DPT: variants seen among roughly 807,000 people sequenced by gnomAD.
The protein encoded by DPT is dermatopontin, also known as tyrosine-rich acidic matrix protein.
Under a neutral mutation model 31.2 loss-of-function variants are expected in DPT, and 21 were observed. That is an observed-to-expected ratio of 0.67 (90% CI 0.48 to 0.97). The LOEUF (loss-of-function observed/expected upper bound fraction) is 0.97. Ranked by LOEUF, DPT falls within the 50% of genes least tolerant of loss-of-function variation. The pLI, the probability that DPT is intolerant of heterozygous loss-of-function variation, is 0.00. For synonymous variants in DPT, 91 were observed against 86.9 expected, an observed-to-expected ratio of 1.05 and a Z score of -0.26; for missense variants, 262 against 258.8, an observed-to-expected ratio of 1.01 and a Z score of -0.08.
intron 1 of DPT, among the ~76,000 whole-genome samples, chr1:168,720,596 C>T (rs1650087092): frequency 6.6e-6 from 1 of 152,124 alleles, no homozygotes; most frequent in South Asian, 2.1e-4. Context: ...GCTGGTTGTG[C>T]TGGTCTTTTT....
chr1:168,722,055 A>C (rs4656614), intron 1 of DPT, among the ~76,000 whole-genome samples: 1 of 152,106 alleles, frequency 6.6e-6, no homozygotes, highest in African/African-American at 2.4e-5. Context: ...GGAAAAATAC[A>C]GGCAGGAGAG....
At chr1:168,722,937 G>A (rs1243594497) in intron 1 of DPT, among the ~76,000 whole-genome samples, 1 of 152,058 alleles carries the variant, frequency 6.6e-6, no homozygotes, top group Admixed American at 6.6e-5. Context: ...GTGTCCTGCA[G>A]GTTCCCAGAC....
chr1:168,706,450 C>T (rs538646355), intron 2 of DPT, among the ~76,000 whole-genome samples: 14 of 152,282 alleles, frequency 9.2e-5, no homozygotes, highest in Non-Finnish European at 1.9e-4. Flanking sequence ...CTACATCAGA[C>T]CCCCTTTGAA....
intron 1 of DPT, among the ~76,000 whole-genome samples, chr1:168,718,242 T>C (rs35143803): frequency 0.15 from 23,503 of 152,262 alleles, 2,042 homozygotes; most frequent in African/African-American, 0.21. Flanking sequence ...TAAAAATAAA[T>C]GTAGGAAGAT....
chr1:168,698,423 G>C (rs905220403), intron 3 of DPT, among the ~76,000 whole-genome samples: 15 of 152,176 alleles, frequency 9.9e-5, no homozygotes, highest in African/African-American at 3.6e-4. Context: ...ACTGCAGCCA[G>C]GTCTTATTTA....
intron 2 of DPT, among the ~76,000 whole-genome samples, chr1:168,711,719 G>A (rs1265871427): frequency 1.3e-5 from 2 of 152,172 alleles, no homozygotes; most frequent in Non-Finnish European, 2.9e-5. Context: ...GAGGAGGCTG[G>A]GTCTCTCCTG....
intron 2 of DPT, among the ~76,000 whole-genome samples, chr1:168,707,290 C>A (rs565443904): frequency 6.6e-6 from 1 of 152,136 alleles, no homozygotes; most frequent in East Asian, 1.9e-4. Flanking sequence ...TCACCCAAAG[C>A]CTATGAATTG....
chr1:168,720,987 A>G (rs111720152), intron 1 of DPT, among the ~76,000 whole-genome samples: 14 of 152,350 alleles, frequency 9.2e-5, no homozygotes, highest in African/African-American at 3.1e-4. Context: ...GAATCTCTTC[A>G]GAAGACTGGT....
intron 2 of DPT, among the ~76,000 whole-genome samples, chr1:168,701,754 C>G (rs1649602939): frequency 6.6e-6 from 1 of 152,150 alleles, no homozygotes. Context: ...ATTGTTCATC[C>G]AGCACCTAAA....
intron 3 of DPT, among the ~76,000 whole-genome samples, chr1:168,699,846 G>A (rs55668764): frequency 0.03 from 4,494 of 152,108 alleles, 233 homozygotes; most frequent in African/African-American, 0.1. Flanking sequence ...ATTAACACCT[G>A]AATTTACCCA....
intron 1 of DPT, among the ~76,000 whole-genome samples, chr1:168,721,860 C>T (rs181910873): frequency 3.9e-5 from 6 of 152,300 alleles, no homozygotes; most frequent in East Asian, 1.9e-4. Flanking sequence ...CTGCTCTCTT[C>T]CTGCCTGCAT....
chr1:168,719,836 A>G lies in DPT; in HGVS notation c.306-5490T>C, dbSNP rs1366207955. Among the ~76,000 whole-genome samples the G allele has an allele frequency of 3.3e-5, 5 of 151,908 alleles. 1 individual carries two copies. In the South Asian group the frequency reaches 8.3e-4, roughly 25 times the overall value. The stretch of plus-strand genomic sequence containing the variant: ...CCACCTCTTTGAAGGCTGAGGTTCA[A>G]TTTCAGTTTCAGAAACTGGAGTATT... On this transcript the variant is annotated intron_variant, in intron 1 of 3. Coordinates refer to ENST00000367817, the MANE Select transcript of DPT (RefSeq NM_001937.5).
At chr1:168,728,791 TGA>T (rs1650306894) in intron 1 of DPT, 77 bp downstream of exon 1, 11 of 1,534,998 alleles carry the variant, frequency 7.2e-6, no homozygotes, top group Non-Finnish European at 9.8e-6. Flanking sequence ...TGATATTCCT[TGA>T]GAGTCTAGCA....
chr1:168,705,320 C>T (rs1649694869), intron 2 of DPT, among the ~76,000 whole-genome samples: 1 of 152,154 alleles, frequency 6.6e-6, no homozygotes, highest in Non-Finnish European at 1.5e-5. Context: ...TAGTCGGTGT[C>T]ACCTGGAAGC....
chr1:168,728,793 A>G, intron 1 of DPT, 77 bp downstream of exon 1: 1 of 1,539,350 alleles, frequency 6.5e-7, no homozygotes, highest in Non-Finnish European at 8.8e-7. Flanking sequence ...ATATTCCTTG[A>G]GAGTCTAGCA....
intron 3 of DPT, among the ~76,000 whole-genome samples, chr1:168,698,426 C>T (rs1002606527): frequency 6.6e-6 from 1 of 152,176 alleles, no homozygotes; most frequent in African/African-American, 2.4e-5. Context: ...GCAGCCAGGT[C>T]TTATTTATCT....
intron 2 of DPT, among the ~76,000 whole-genome samples, chr1:168,702,544 A>C (rs1338727656): frequency 6.6e-6 from 1 of 152,088 alleles, no homozygotes; most frequent in Non-Finnish European, 1.5e-5. Context: ...AAGGTCCTGC[A>C]AATCCAGAAA....
intron 3 of DPT, among the ~76,000 whole-genome samples, chr1:168,700,151 A>G (rs1649561312): frequency 6.6e-6 from 1 of 152,150 alleles, no homozygotes; most frequent in Non-Finnish European, 1.5e-5. Flanking sequence ...TAGTATTAGG[A>G]GGAGGAGCCT....
intron 1 of DPT, among the ~76,000 whole-genome samples, chr1:168,719,825 G>A (rs1017205593): frequency 8.6e-5 from 13 of 151,652 alleles, no homozygotes; most frequent in Middle Eastern, 3.2e-3. Context: ...CTCTTTGAAG[G>A]CTGAGGTTCA....
Sources: allele counts gnomAD v4.1 joint callset (sites outside exome capture counted in the v4.1 genomes callset), GRCh38; gene constraint gnomAD v4.1.1; transcripts MANE v1.5; gene names NCBI Gene and HGNC (gene_info 2026-07-23, HGNC 2026-07-21).